HIGD1C: variants seen among roughly 807,000 people sequenced by gnomAD.
The protein encoded by HIGD1C is HIG1 domain family member 1C.
In HIGD1C, 11 loss-of-function variants were observed where a neutral mutation model predicts 13.1. The observed-to-expected ratio is 0.84, with a 90% CI of 0.53 to 1.39. The LOEUF is 1.39. Ranked by LOEUF, HIGD1C falls within the 40% of genes most tolerant of loss-of-function variation. The pLI is 0.00. For synonymous variants in HIGD1C, 36 were observed against 37.7 expected (o/e 0.95, Z 0.17); for missense variants, 110 against 112.0 (o/e 0.98, Z 0.08).
intron 2 of HIGD1C, 64 bp from the exon 5 acceptor site, chr12:50,970,378 G>C: frequency 1.2e-6 from 1 of 835,518 alleles, no homozygotes; most frequent in Admixed American, 2.3e-5. Flanking sequence ...AATACAACAA[G>C]TGGAAGAAAT....
At chr12:50,933,553 C>T in the HIGD1C span, among the ~76,000 whole-genome samples, 1 of 152,260 alleles carries the variant, frequency 6.6e-6, no homozygotes, top group Non-Finnish European at 1.5e-5. Context: ...AGGGTCATGT[C>T]TGTCCTCCCC....
At chr12:50,970,599 C>G (rs1335931784), downstream of HIGD1C, 1 of 740,808 alleles carries the variant, frequency 1.3e-6, no homozygotes, top group African/African-American at 1.8e-5. Flanking sequence ...TTTTACTACA[C>G]AAGTGTCACA....
chr12:50,971,787 A>T (rs1157459816), downstream of HIGD1C, among the ~76,000 whole-genome samples: 1 of 152,240 alleles, frequency 6.6e-6, no homozygotes, highest in Non-Finnish European at 1.5e-5. Flanking sequence ...TGTTTCCTGT[A>T]ATGGAGGTTT....
the HIGD1C span, among the ~76,000 whole-genome samples, chr12:50,944,728 A>T: frequency 2.0e-5 from 3 of 152,118 alleles, no homozygotes; most frequent in Non-Finnish European, 4.4e-5. Context: ...CTCTACTGAA[A>T]ATATAAAAAT....
chr12:50,967,113 C>CA (rs58572587), intron 2 of HIGD1C, among the ~76,000 whole-genome samples: 22,086 of 131,722 alleles, frequency 0.17, 1,792 homozygotes, highest in South Asian at 0.29. Context: ...GACTCAGTCT[C>CA]AAAAAAAAAA....
At chr12:50,939,240 C>G in the HIGD1C span, among the ~76,000 whole-genome samples, 2 of 152,296 alleles carry the variant, frequency 1.3e-5, no homozygotes, top group African/African-American at 4.8e-5. Context: ...TTCTACCTCC[C>G]AAGTTGAAGC....
chr12:50,959,382 A>T (rs1457402041), intron 1 of HIGD1C, among the ~76,000 whole-genome samples: 3 of 152,110 alleles, frequency 2.0e-5, no homozygotes, highest in Non-Finnish European at 2.9e-5. Context: ...GGCCTCCCAA[A>T]GTGCTGGGAT....
intron 1 of HIGD1C, among the ~76,000 whole-genome samples, chr12:50,954,644 T>C (rs757116467): frequency 2.0e-5 from 3 of 151,926 alleles, no homozygotes; most frequent in Non-Finnish European, 4.4e-5. Context: ...GAGGATTGCT[T>C]GAGCTCAGGA....
At chr12:50,955,271 G>C (rs1268149124) in intron 1 of HIGD1C, among the ~76,000 whole-genome samples, 2 of 152,094 alleles carry the variant, frequency 1.3e-5, no homozygotes, top group African/African-American at 4.8e-5. Context: ...ATAAAAAAGA[G>C]AGATACTATA....
At chr12:50,967,393 T>G (rs1939581088) in intron 2 of HIGD1C, among the ~76,000 whole-genome samples, 1 of 152,136 alleles carries the variant, frequency 6.6e-6, no homozygotes, top group African/African-American at 2.4e-5. Flanking sequence ...ATGGTCCACT[T>G]GCCTCAGCCT....
intron 2 of HIGD1C, among the ~76,000 whole-genome samples, 152 bp downstream of exon 4, chr12:50,961,254 C>T (rs1164834579): frequency 6.6e-6 from 1 of 152,056 alleles, no homozygotes; most frequent in Non-Finnish European, 1.5e-5. Flanking sequence ...GAGGTTGTGG[C>T]CCAGTTGTGC....
chr12:50,970,932 G>A (rs1409570732), downstream of HIGD1C, among the ~76,000 whole-genome samples: 1 of 151,938 alleles, frequency 6.6e-6, no homozygotes, highest in Non-Finnish European at 1.5e-5. Flanking sequence ...AGGCTGGAGA[G>A]CAGTGGTATA....
chr12:50,971,739 T>A (rs1375531886), downstream of HIGD1C, among the ~76,000 whole-genome samples: 1 of 152,186 alleles, frequency 6.6e-6, no homozygotes, highest in Non-Finnish European at 1.5e-5. Flanking sequence ...ATATATGCAA[T>A]GTAAGATGAT....
chr12:50,942,047 A>AT, the HIGD1C span, among the ~76,000 whole-genome samples: 1 of 151,912 alleles, frequency 6.6e-6, no homozygotes, highest in Non-Finnish European at 1.5e-5. Flanking sequence ...TACCAGGCTA[A>AT]TTTTTTTGTA....
chr12:50,960,920 T>C, intron 1 of HIGD1C, 48 bp from the exon 4 acceptor site: 1 of 1,458,514 alleles, frequency 6.9e-7, no homozygotes, highest in Non-Finnish European at 9.2e-7. Context: ...TCTCACACGA[T>C]GCTCCTGCCT....
the HIGD1C span, among the ~76,000 whole-genome samples, chr12:50,936,263 T>C: frequency 6.6e-6 from 1 of 152,022 alleles, no homozygotes; most frequent in Admixed American, 6.6e-5. Flanking sequence ...TTCTTAAGTA[T>C]CTTCTTTATG....
chr12:50,960,849 ATT>A (rs986886472), intron 1 of HIGD1C, 117 bp from the exon 4 acceptor site: 1,356 of 644,880 alleles, frequency 2.1e-3, no homozygotes, highest in South Asian at 2.5e-3. Flanking sequence ...TGTGTGGCTA[ATT>A]TTTTTTTTTT....
intron 1 of HIGD1C, among the ~76,000 whole-genome samples, chr12:50,955,838 AACAGAG>A (rs1939073093): frequency 6.6e-6 from 1 of 152,216 alleles, no homozygotes. Context: ...TTAATTAATA[AACAGAG>A]ACAAAGAGAC....
chr12:50,968,401 G>A (rs140003974), intron 2 of HIGD1C, among the ~76,000 whole-genome samples: 27 of 151,280 alleles, frequency 1.8e-4, no homozygotes, highest in Admixed American at 2.6e-4. Context: ...GTGTGTGTGT[G>A]GGGGGAGACA....
Sources: allele counts gnomAD v4.1 joint callset (sites outside exome capture counted in the v4.1 genomes callset), GRCh38; gene constraint gnomAD v4.1.1; transcripts MANE v1.5; gene names NCBI Gene and HGNC (gene_info 2026-07-23, HGNC 2026-07-21).